The following SKAP2 variants were observed in gnomAD, a reference collection of about 807,000 sequenced individuals.
SKAP2 encodes the protein src kinase-associated phosphoprotein 2.
Under a neutral mutation model 54.9 loss-of-function variants are expected in SKAP2, and 28 were observed. The ratio of observed to expected loss-of-function variants is 0.51; its 90% confidence interval spans 0.38 to 0.70. The LOEUF is 0.70. Among genes scored for constraint, SKAP2 ranks in the 30% least tolerant of loss-of-function variants. The pLI, the probability that SKAP2 is intolerant of heterozygous loss-of-function variation, is 0.00. For synonymous variants in SKAP2, 137 were observed against 134.3 expected (o/e 1.02, Z -0.14); for missense variants, 356 against 424.1 (o/e 0.84, Z 1.41).
At chr7:26,786,945 T>C (rs745844238) in intron 4 of SKAP2, among the ~76,000 whole-genome samples, 13 of 152,172 alleles carry the variant, frequency 8.5e-5, no homozygotes, top group Non-Finnish European at 1.9e-4. Context: ...CTGTTTCCCA[T>C]AGCTAATTAA....
intron 4 of SKAP2, among the ~76,000 whole-genome samples, chr7:26,824,830 C>T (rs146673330): frequency 1.3e-5 from 2 of 152,238 alleles, no homozygotes; most frequent in African/African-American, 4.8e-5. Flanking sequence ...CTGTAGATTG[C>T]CAACCCCTGA....
intron 4 of SKAP2, among the ~76,000 whole-genome samples, chr7:26,777,775 G>A (rs951294827): frequency 2.0e-5 from 3 of 152,044 alleles, no homozygotes; most frequent in African/African-American, 7.2e-5. Context: ...TTCTAGGGAG[G>A]AGTAATAAGA....
At position 26,816,583 on chromosome 7, in the gene SKAP2, TAAG is replaced by T. The variant is rs554246461; in HGVS notation, c.307+27444_307+27446del. On this transcript the variant is annotated intron_variant, in intron 4 of 12. Coordinates refer to ENST00000345317, the MANE Select transcript of SKAP2 (RefSeq NM_003930.5). ...ATTAAGAATACTAAGATATTAAAAA[TAAG>T]AAAATTCAGACTGTCAATTTTTACA... Among the ~76,000 whole-genome samples, 30 of 152,184 alleles carry T rather than the reference TAAG, an allele frequency of 2.0e-4. No homozygotes were observed. In the South Asian group the frequency reaches 5.6e-3, roughly 28 times the overall value.
At chr7:26,769,276 G>A (rs188151795) in intron 4 of SKAP2, among the ~76,000 whole-genome samples, 2 of 152,238 alleles carry the variant, frequency 1.3e-5, no homozygotes, top group Non-Finnish European at 1.5e-5. Context: ...GCTTCATGAA[G>A]TTCTCATGCT....
intron 9 of SKAP2, among the ~76,000 whole-genome samples, chr7:26,713,313 A>G (rs1378664185): frequency 6.6e-6 from 1 of 152,184 alleles, no homozygotes; most frequent in Non-Finnish European, 1.5e-5. Flanking sequence ...GTCACCTACT[A>G]CAATCTGTAA....
At chr7:26,746,707 CA>C (rs1191530154) in intron 4 of SKAP2, 1 of 148,302 alleles carries the variant, frequency 6.7e-6, no homozygotes, top group Non-Finnish European at 1.5e-5. Flanking sequence ...TAGGTTCAAT[CA>C]TCTCCAAAGC....
chr7:26,814,316 T>C (rs1321365081), intron 4 of SKAP2, among the ~76,000 whole-genome samples: 3 of 152,158 alleles, frequency 2.0e-5, no homozygotes, highest in Non-Finnish European at 4.4e-5. Context: ...TGTTAACTAT[T>C]CCAGTTGGCA....
At chr7:26,833,765 T>C (rs1784647181) in intron 4 of SKAP2, among the ~76,000 whole-genome samples, 1 of 151,488 alleles carries the variant, frequency 6.6e-6, no homozygotes, top group Admixed American at 6.6e-5. Context: ...TCCCACACAA[T>C]GATACCGGTC....
chr7:26,855,711 T>C (rs1426473921), intron 1 of SKAP2, among the ~76,000 whole-genome samples: 1 of 152,150 alleles, frequency 6.6e-6, no homozygotes, highest in African/African-American at 2.4e-5. Context: ...CTCTCTAGTG[T>C]AAAATTCCAA....
chr7:26,799,293 C>A (rs940442371), intron 4 of SKAP2, among the ~76,000 whole-genome samples: 20 of 149,050 alleles, frequency 1.3e-4, no homozygotes, highest in East Asian at 7.7e-4. Flanking sequence ...AAAAAAAAAA[C>A]CCCATTGATC....
chr7:26,745,799 G>A (rs762226139), intron 4 of SKAP2, among the ~76,000 whole-genome samples: 1 of 152,066 alleles, frequency 6.6e-6, no homozygotes, highest in East Asian at 1.9e-4. Context: ...ATAGGCATGA[G>A]CCACCATGCC....
chr7:26,761,702 C>T (rs907079335), intron 4 of SKAP2, among the ~76,000 whole-genome samples: 8 of 152,034 alleles, frequency 5.3e-5, no homozygotes, highest in East Asian at 1.9e-4. Context: ...CGTTTGAGAC[C>T]GGCCTGGGCA....
In SKAP2 at chr7:26,752,541, T is replaced by C. The variant is rs367666902; in HGVS notation, c.308-12577A>G. Among the ~76,000 whole-genome samples the C allele has an allele frequency of 1.6e-3, 248 of 152,254 alleles. 1 individual carries two copies. The highest frequency in any genetic ancestry group is 5.8e-3 in the African/African-American group (239 of 41,552). Reference sequence around the variant, plus strand: ...AGAGTATCTATAGGAACAGACACCCTGCACAATTTTCAGACAATCATTCCA... The same window carrying C: ...AGAGTATCTATAGGAACAGACACCCCGCACAATTTTCAGACAATCATTCCA... On this transcript the variant is annotated intron_variant, in intron 4 of 12. Coordinates refer to ENST00000345317, the MANE Select transcript of SKAP2 (RefSeq NM_003930.5).
intron 4 of SKAP2, among the ~76,000 whole-genome samples, chr7:26,780,513 T>C (rs1783404405): frequency 1.3e-5 from 2 of 152,114 alleles, no homozygotes; most frequent in Non-Finnish European, 2.9e-5. Flanking sequence ...AGATAATACG[T>C]AATGAATGAG....
rs536969625 is a variant in SKAP2, at chr7:26,794,109, T to C, written c.307+49921A>G. On this transcript the variant is annotated intron_variant, in intron 4 of 12. Coordinates refer to ENST00000345317, the MANE Select transcript of SKAP2 (RefSeq NM_003930.5). ...TATCCCCAGCAGGAGCCCAATTTTT[T>C]TTAAGTTGATACTTTTTCTCAGGAA... 5.9e-5 allele frequency among the ~76,000 whole-genome samples: 9 copies of C among 152,364 alleles called. No homozygotes were observed. In the South Asian group the frequency reaches 1.9e-3, roughly 32 times the overall value.
chr7:26,834,789 C>T (rs982337894), intron 4 of SKAP2, among the ~76,000 whole-genome samples: 2 of 152,168 alleles, frequency 1.3e-5, no homozygotes, highest in Non-Finnish European at 2.9e-5. Context: ...GGTACCATTC[C>T]TTCTGAAACT....
intron 11 of SKAP2, among the ~76,000 whole-genome samples, chr7:26,670,863 A>G (rs1786213171): frequency 6.6e-6 from 1 of 152,122 alleles, no homozygotes; most frequent in African/African-American, 2.4e-5. Context: ...GATAAAGAAT[A>G]GGTAGAAGGA....
At chr7:26,804,901 G>T (rs1783994637) in intron 4 of SKAP2, among the ~76,000 whole-genome samples, 1 of 152,084 alleles carries the variant, frequency 6.6e-6, no homozygotes. Context: ...ATCCTTAAAA[G>T]ATTAACAGCC....
chr7:26,708,548 T>G (rs914313887), intron 9 of SKAP2, among the ~76,000 whole-genome samples: 2 of 152,218 alleles, frequency 1.3e-5, no homozygotes, highest in Non-Finnish European at 2.9e-5. Context: ...TAAACATTTT[T>G]CAAAAGGATC....
Sources: allele counts gnomAD v4.1 joint callset (sites outside exome capture counted in the v4.1 genomes callset), GRCh38; gene constraint gnomAD v4.1.1; transcripts MANE v1.5; gene names NCBI Gene and HGNC (gene_info 2026-07-23, HGNC 2026-07-21).